DRAXIN: variants seen among roughly 807,000 people sequenced by gnomAD.
The protein encoded by DRAXIN is dorsal inhibitory axon guidance protein.
A neutral mutation model predicts 33.9 loss-of-function variants in DRAXIN; 27 were observed. The observed-to-expected ratio is 0.80, with a 90% CI of 0.59 to 1.10. The LOEUF (loss-of-function observed/expected upper bound fraction) is 1.10. DRAXIN is among the 50% of genes least tolerant of loss of function. The pLI is 0.00. For synonymous variants in DRAXIN, 178 were observed against 194.0 expected (o/e 0.92, Z 0.69); for missense variants, 371 against 460.8 (o/e 0.81, Z 1.78).
rs34041422 is a variant in DRAXIN, at chr1:11,720,593, C to CAAAAAAAAA, written c.*909_*917dup. On this transcript the variant is annotated 3_prime_UTR_variant, in exon 7 of 7. Transcript: ENST00000294485. ...GGGGGACAAGAGTGAAACTCCATCT[C>CAAAAAAAAA]AAAAAAAAAAAAAAAAAAAAGCACA... 2 of 71,254 alleles carry CAAAAAAAAA rather than the reference C, an allele frequency of 2.8e-5. No homozygotes were observed. Among genetic ancestry groups the CAAAAAAAAA allele is most frequent in the African/African-American group, 1.1e-4 (2 of 17,626 alleles). The allele number at this position is 71,254 out of a possible 1,614,324, so 4.4% of individuals were successfully genotyped here.
rs1324886850 is a variant in DRAXIN at position 11,704,892 on chromosome 1, G to C, written c.-10-1357G>C. 2.0e-5 allele frequency among the ~76,000 whole-genome samples: 3 copies of C among 152,196 alleles called. No individual in the cohort carries two copies. The highest frequency in any genetic ancestry group is 6.5e-5 in the Admixed American group (1 of 15,290). On this transcript the variant is annotated intron_variant, in intron 1 of 6. Transcript: ENST00000294485. The surrounding 1 kb of genome is among the most constrained non-coding windows in gnomAD (Gnocchi z 4.6). ...GGCTGGGATGGAGGCAGAACTGGGT[G>C]AAGCCACCACAGACCCTGCGAGGCT... is the stretch of plus-strand genomic sequence containing the variant.
upstream of DRAXIN, among the ~76,000 whole-genome samples, chr1:11,691,126 T>C (rs1409730201): frequency 1.3e-5 from 2 of 152,182 alleles, no homozygotes; most frequent in African/African-American, 2.4e-5. Flanking sequence ...TTTCTGCGGC[T>C]ACAAAGGCCC....
intron 1 of DRAXIN, among the ~76,000 whole-genome samples, chr1:11,702,275 CCATA>C (rs1235715243): frequency 6.7e-6 from 1 of 149,564 alleles, no homozygotes; most frequent in Non-Finnish European, 1.5e-5. Context: ...ACACCCATAC[CCATA>C]CATATTCACA....
intron 1 of DRAXIN, among the ~76,000 whole-genome samples, chr1:11,703,853 T>G (rs976016246): frequency 6.6e-6 from 1 of 151,996 alleles, no homozygotes; most frequent in Non-Finnish European, 1.5e-5. Flanking sequence ...CACAGCCAAG[T>G]AGGGTCGTGG....
At chr1:11,700,822 T>G (rs1641261632) in intron 1 of DRAXIN, among the ~76,000 whole-genome samples, 1 of 151,870 alleles carries the variant, frequency 6.6e-6, no homozygotes, top group Non-Finnish European at 1.5e-5. Context: ...CATGACTTGC[T>G]CCCCCCAACC....
In DRAXIN at chr1:11,709,328, G is replaced by A. The variant is rs762451052; in HGVS notation, c.505G>A (p.Glu169Lys). ...CCTGATGAAGAAGGCAGAGCTCTCC[G>A]AAGCCCAGGTGCTGGATGCAGCCAT... ...SSLMKKAELS[E>K]AQVLDAAMEE... Residue 169 changes from glutamate to lysine, a missense_variant, in exon 3 of 7, where the codon GAA (glutamate) becomes AAA (lysine). Glu to Lys is a moderately conservative substitution (Grantham distance 56, BLOSUM62 1). Coordinates refer to ENST00000294485, the MANE Select transcript of DRAXIN (RefSeq NM_198545.4). The A allele has an allele frequency of 1.1e-5, 17 of 1,613,798 alleles. No homozygotes were observed. In the African/African-American group the frequency reaches 1.1e-4, roughly 10 times the overall value.
chr1:11,715,874 G>C (rs1641569747), intron 6 of DRAXIN, among the ~76,000 whole-genome samples: 1 of 152,168 alleles, frequency 6.6e-6, no homozygotes, highest in Non-Finnish European at 1.5e-5. Flanking sequence ...AATAGTTTCA[G>C]GTTTTTGTTT....
upstream of DRAXIN, among the ~76,000 whole-genome samples, chr1:11,689,043 C>T (rs1641011934): frequency 6.6e-6 from 1 of 152,174 alleles, no homozygotes. Flanking sequence ...CCCCTGTAAC[C>T]CTAGCACTTT....
At chr1:11,713,656 A>C (rs1641532129) in intron 5 of DRAXIN, among the ~76,000 whole-genome samples, 1 of 152,154 alleles carries the variant, frequency 6.6e-6, no homozygotes, top group Non-Finnish European at 1.5e-5. Context: ...TGGGAGGCCG[A>C]GGCGGGAGGA....
chr1:11,703,465 T>C (rs924052257), intron 1 of DRAXIN, among the ~76,000 whole-genome samples: 3 of 152,130 alleles, frequency 2.0e-5, no homozygotes, highest in Non-Finnish European at 2.9e-5. Context: ...GCAGTCTCTG[T>C]TGCCTGTGAA....
At chr1:11,703,201 G>A (rs1260794243) in intron 1 of DRAXIN, among the ~76,000 whole-genome samples, 4 of 152,330 alleles carry the variant, frequency 2.6e-5, no homozygotes, top group East Asian at 1.9e-4. Flanking sequence ...AAAACCTGAC[G>A]GTCCCAGCAC....
chr1:11,703,892 G>T (rs1570311344), intron 1 of DRAXIN, among the ~76,000 whole-genome samples: 1 of 152,286 alleles, frequency 6.6e-6, no homozygotes, highest in East Asian at 1.9e-4. Flanking sequence ...TGGCAGTCTG[G>T]GTGGGATCAT....
chr1:11,693,642 C>G (rs970034826), intron 1 of DRAXIN, among the ~76,000 whole-genome samples: 2 of 152,162 alleles, frequency 1.3e-5, no homozygotes, highest in Non-Finnish European at 2.9e-5. Flanking sequence ...CACGACATCC[C>G]CCATCCAGGC....
intron 2 of DRAXIN, among the ~76,000 whole-genome samples, chr1:11,707,454 T>C (rs763863077): frequency 6.6e-6 from 1 of 152,182 alleles, no homozygotes; most frequent in Non-Finnish European, 1.5e-5. Context: ...CAAGTTCTCT[T>C]TCTGTGCCTC....
At chr1:11,687,298 G>A (rs1455397837), upstream of DRAXIN, among the ~76,000 whole-genome samples, 1 of 152,140 alleles carries the variant, frequency 6.6e-6, no homozygotes, top group Non-Finnish European at 1.5e-5. The surrounding 1 kb of genome is among the most constrained non-coding windows in gnomAD (Gnocchi z 4.1). Context: ...GGAGGGCGGT[G>A]GTGCAATCTC....
intron 2 of DRAXIN, among the ~76,000 whole-genome samples, chr1:11,708,001 G>A (rs376563948): frequency 2.1e-4 from 32 of 152,210 alleles, no homozygotes; most frequent in Admixed American, 3.3e-4. Context: ...ACCCCTTCTC[G>A]TGCAAACAGC....
chr1:11,698,619 A>C (rs1205956174), intron 1 of DRAXIN, among the ~76,000 whole-genome samples: 3 of 152,210 alleles, frequency 2.0e-5, no homozygotes, highest in African/African-American at 7.2e-5. Flanking sequence ...TTGGGAGGCC[A>C]AGGTGGGAGG....
chr1:11,698,799 G>A (rs866770116), intron 1 of DRAXIN, among the ~76,000 whole-genome samples: 1 of 152,240 alleles, frequency 6.6e-6, no homozygotes, highest in African/African-American at 2.4e-5. Flanking sequence ...TGAGGCTACA[G>A]TGAGCTATGA....
At position 11,723,771 on chromosome 1, in the gene DRAXIN, T is replaced by G. The variant is rs1275625940; in HGVS notation, c.*4075T>G. On this transcript the variant is annotated 3_prime_UTR_variant, in exon 7 of 7. Transcript: ENST00000294485. The stretch of plus-strand genomic sequence containing the variant: ...CCACGCCCGGTTACTGTTTGTATTT[T>G]TAGTAGAGATGGGGTTTCACCATGT... 6.6e-6 allele frequency: 1 copy of G among 152,118 alleles called. No homozygotes were observed. Among genetic ancestry groups the G allele is most frequent in the Non-Finnish European group, 1.5e-5 (1 of 68,052 alleles). The allele number at this position is 152,118 out of a possible 1,614,324, so 9.4% of individuals were successfully genotyped here. A position where few individuals can be genotyped will look rare whatever the true frequency, so the allele number is the denominator to read the frequency against.
Sources: allele counts gnomAD v4.1 joint callset (sites outside exome capture counted in the v4.1 genomes callset), GRCh38; gene constraint gnomAD v4.1.1; non-coding constraint Gnocchi (gnomAD v3.1); transcripts MANE v1.5; gene names NCBI Gene and HGNC (gene_info 2026-07-23, HGNC 2026-07-21).